The following EIF2S2 variants were observed in gnomAD, a reference collection of about 807,000 sequenced individuals.
EIF2S2 encodes eukaryotic translation initiation factor 2 subunit 2.
EIF2S2 carries 4 observed loss-of-function variants against 44.0 expected under a neutral mutation model. The observed-to-expected ratio is 0.09, with a 90% CI of 0.04 to 0.21. The LOEUF (loss-of-function observed/expected upper bound fraction) is 0.21. Among genes scored for constraint, EIF2S2 ranks in the 10% least tolerant of loss-of-function variants. The pLI, the probability that EIF2S2 is intolerant of heterozygous loss-of-function variation, is 1.00. For synonymous variants in EIF2S2, 108 were observed against 128.3 expected (o/e 0.84, Z 1.07); for missense variants, 154 against 392.0 (o/e 0.39, Z 5.13).
At chr20:34,099,133 G>A (rs1325389381) in intron 3 of EIF2S2, among the ~76,000 whole-genome samples, 1 of 152,172 alleles carries the variant, frequency 6.6e-6, no homozygotes, top group Non-Finnish European at 1.5e-5. Flanking sequence ...ACTTTGGGAC[G>A]TCGAGGCAGG....
intron 6 of EIF2S2, among the ~76,000 whole-genome samples, chr20:34,096,103 G>A (rs1215278118): frequency 6.6e-6 from 1 of 152,112 alleles, no homozygotes; most frequent in Non-Finnish European, 1.5e-5. Flanking sequence ...CTATCCTAGA[G>A]CAACTGATGA....
At chr20:34,112,072 C>G in intron 1 of EIF2S2, 24 bp downstream of exon 1, 2 of 1,543,846 alleles carry the variant, frequency 1.3e-6, no homozygotes, top group Non-Finnish European at 1.8e-6. Context: ...ATCCTTAGCC[C>G]TTACGCCGGG....
intron 6 of EIF2S2, 92 bp downstream of exon 6, chr20:34,096,565 A>G: frequency 1.5e-6 from 2 of 1,317,714 alleles, no homozygotes; most frequent in South Asian, 1.4e-5. Context: ...CTTTCCATCT[A>G]TAATAAAGTC....
rs1266552412 is a variant in EIF2S2 at position 34,096,880 on chromosome 20, G to C, written c.535-75C>G. On this transcript the variant is annotated intron_variant, in intron 5 of 8. Coordinates refer to ENST00000374980, the MANE Select transcript of EIF2S2 (RefSeq NM_003908.5). Reference sequence around the variant, plus strand: ...ATAAAGTTCCCCTTTGAGTCATGTTGCTTAACAGCAAATACTTCACTTCTG... The same window carrying C: ...ATAAAGTTCCCCTTTGAGTCATGTTCCTTAACAGCAAATACTTCACTTCTG... 2.1e-6 allele frequency: 3 copies of C among 1,438,930 alleles called. No homozygotes were observed. The African/African-American group carries it at 4.3e-5, about 21-fold the overall frequency. 89.1% of individuals were successfully genotyped at this position (1,438,930 alleles called of 1,614,324 possible).
intron 3 of EIF2S2, among the ~76,000 whole-genome samples, chr20:34,098,918 T>C (rs1229589404): frequency 6.6e-6 from 1 of 152,236 alleles, no homozygotes; most frequent in East Asian, 1.9e-4. Flanking sequence ...AAGAAACGCC[T>C]GTCAGAAATG....
At chr20:34,098,442 A>C in intron 4 of EIF2S2, 56 bp downstream of exon 4, 1 of 1,598,380 alleles carries the variant, frequency 6.3e-7, no homozygotes, top group South Asian at 1.1e-5. Context: ...CATCAAGGAG[A>C]CCAGGGCCAA....
intron 1 of EIF2S2, 25 bp downstream of exon 1, chr20:34,112,071 C>G: frequency 6.5e-7 from 1 of 1,542,900 alleles, no homozygotes; most frequent in Non-Finnish European, 8.8e-7. Context: ...AATCCTTAGC[C>G]CTTACGCCGG....
chr20:34,097,207 C>CA (rs900484842), intron 5 of EIF2S2, among the ~76,000 whole-genome samples: 1 of 152,222 alleles, frequency 6.6e-6, no homozygotes, highest in African/African-American at 2.4e-5. Context: ...CAGGTGGGGA[C>CA]AGTGAGTAGT....
Position 34,097,533 on chromosome 20 carries a change from T to C in EIF2S2, c.434-17A>G, listed in dbSNP as rs375653499. The C allele has an allele frequency of 5.9e-5, 95 of 1,606,880 alleles. 1 individual carries two copies. The highest frequency in any genetic ancestry group is 5.5e-5 in the South Asian group (5 of 90,990). ...CTTCTAGAGCTACAGATAAAAAAGA[T>C]TTTAAGAATGAGGGGTGGGCCCTAC... On this transcript the variant is annotated splice_polypyrimidine_tract_variant and intron_variant, in intron 4 of 8. Transcript: ENST00000374980.
intron 1 of EIF2S2, among the ~76,000 whole-genome samples, chr20:34,111,527 G>C (rs2034412121): frequency 6.6e-6 from 1 of 152,208 alleles, no homozygotes; most frequent in Non-Finnish European, 1.5e-5. Context: ...TTTCCGGGAA[G>C]GTCAGTCACT....
chr20:34,088,326 A>T lies in EIF2S2; in HGVS notation c.*1404T>A, dbSNP rs1234310058. On this transcript the variant is annotated 3_prime_UTR_variant, in exon 9 of 9. Transcript: ENST00000374980. ...AGCGTTAATTACATAAGAGGCACTGATCCTTGCTTTATTCATGTAGAAATA... is the reference window on the plus strand; with the variant it reads ...AGCGTTAATTACATAAGAGGCACTGTTCCTTGCTTTATTCATGTAGAAATA... 1 of 152,644 alleles carries T rather than the reference A, an allele frequency of 6.6e-6. No homozygotes were observed. Among genetic ancestry groups the T allele is most frequent in the East Asian group, 1.9e-4 (1 of 5,200 alleles). 9.5% of individuals were successfully genotyped at this position (152,644 alleles called of 1,614,324 possible). A position where few individuals can be genotyped will look rare whatever the true frequency, so the allele number is the denominator to read the frequency against.
chr20:34,112,139 A>G lies in EIF2S2; in HGVS notation c.-29T>C, dbSNP rs761211768. 2 of 1,539,386 alleles carry G rather than the reference A, an allele frequency of 1.3e-6. No homozygotes were observed. The highest frequency in any genetic ancestry group is 1.2e-5 in the South Asian group (1 of 82,874). On this transcript the variant is annotated 5_prime_UTR_variant, in exon 1 of 9. Coordinates refer to ENST00000374980, the MANE Select transcript of EIF2S2 (RefSeq NM_003908.5). ...TGCGGCTCGAGTGGGCTCGGCACGGACGGGAAGTCAGACGGGTCAGCCCCA... is the reference window on the plus strand; with the variant it reads ...TGCGGCTCGAGTGGGCTCGGCACGGGCGGGAAGTCAGACGGGTCAGCCCCA...
At chr20:34,111,818 A>G (rs986302265) in intron 1 of EIF2S2, among the ~76,000 whole-genome samples, 21 of 152,302 alleles carry the variant, frequency 1.4e-4, no homozygotes, top group African/African-American at 4.8e-4. Context: ...CGGGCATTCG[A>G]GCCCCTTCCG....
chr20:34,097,382 G>C (rs368995091), intron 5 of EIF2S2, 34 bp downstream of exon 5: 3 of 1,555,848 alleles, frequency 1.9e-6, no homozygotes, highest in African/African-American at 2.7e-5. Flanking sequence ...CTAGTGAATA[G>C]CTTAGCCCCT....
chr20:34,097,880 A>C (rs1170922004), intron 4 of EIF2S2, among the ~76,000 whole-genome samples: 1 of 152,202 alleles, frequency 6.6e-6, no homozygotes, highest in East Asian at 1.9e-4. Context: ...CTACTGACAA[A>C]AGTTCTCTAA....
rs1274457479 is a variant in EIF2S2, at chr20:34,096,872, GT to G, written c.535-68del. 2.0e-6 allele frequency: 3 copies of G among 1,487,938 alleles called. No individual in the cohort carries two copies. In the African/African-American group the frequency reaches 4.2e-5, roughly 21 times the overall value. The allele number at this position is 1,487,938 out of a possible 1,614,324, so 92.2% of individuals were successfully genotyped here. A position where few individuals can be genotyped will look rare whatever the true frequency, so the allele number is the denominator to read the frequency against. On this transcript the variant is annotated intron_variant, in intron 5 of 8. Transcript: ENST00000374980. ...GCAGGGGTATAAAGTTCCCCTTTGA[GT>G]CATGTTGCTTAACAGCAAATACTTC... is the stretch of plus-strand genomic sequence containing the variant.
At chr20:34,100,173 C>A (rs1307478608) in intron 3 of EIF2S2, among the ~76,000 whole-genome samples, 1 of 152,164 alleles carries the variant, frequency 6.6e-6, no homozygotes, top group Non-Finnish European at 1.5e-5. Flanking sequence ...CGCCACCACA[C>A]CTAGCTAATT....
In EIF2S2 at chr20:34,089,725, G is replaced by A. The variant is rs777980587; in HGVS notation, c.*5C>T. 80 of 1,605,518 alleles carry A rather than the reference G, an allele frequency of 5.0e-5. No individual in the cohort carries two copies. In the East Asian group the frequency reaches 1.8e-3, roughly 35 times the overall value. ...ACAAGCTTTGCAAAATCAGTGATTA[G>A]CAAATTAGTTAGCTTTGGCACGGAG... On this transcript the variant is annotated 3_prime_UTR_variant, in exon 9 of 9. Transcript: ENST00000374980.
At chr20:34,110,030 G>T (rs539513446) in intron 1 of EIF2S2, among the ~76,000 whole-genome samples, 21 of 148,940 alleles carry the variant, frequency 1.4e-4, no homozygotes, top group African/African-American at 5.2e-4. Flanking sequence ...GAACCCAGGA[G>T]GCGGTTGCGG....
Sources: allele counts gnomAD v4.1 joint callset (sites outside exome capture counted in the v4.1 genomes callset), GRCh38; gene constraint gnomAD v4.1.1; transcripts MANE v1.5; gene names NCBI Gene and HGNC (gene_info 2026-07-23, HGNC 2026-07-21).